The following TMPRSS7 variants were observed in gnomAD, a reference collection of about 807,000 sequenced individuals.
The protein encoded by TMPRSS7 is transmembrane serine protease 7, also known as transmembrane protease serine 7.
In TMPRSS7, 81 loss-of-function variants were observed where a neutral mutation model predicts 95.6. The ratio of observed to expected loss-of-function variants is 0.85; its 90% CI spans 0.71 to 1.02. The LOEUF is 1.02. Ranked by LOEUF, TMPRSS7 falls within the 50% of genes least tolerant of loss-of-function variation. The pLI, the probability that TMPRSS7 is intolerant of heterozygous loss-of-function variation, is 0.00. For missense variants in TMPRSS7, 945 were observed against 955.2 expected, an observed-to-expected ratio of 0.99 and a Z score of 0.14; for synonymous variants, 364 against 337.8, an observed-to-expected ratio of 1.08 and a Z score of -0.85.
intron 6 of TMPRSS7, 37 bp downstream of exon 6, chr3:112,047,049 TA>T (rs1267591630): frequency 5.7e-6 from 4 of 698,426 alleles, no homozygotes; most frequent in African/African-American, 5.3e-5. Flanking sequence ...CCCCCCATGT[TA>T]ATATTGTTTT....
chr3:112,035,714 T>C (rs912987028), intron 1 of TMPRSS7, among the ~76,000 whole-genome samples: 35 of 152,210 alleles, frequency 2.3e-4, no homozygotes, highest in African/African-American at 8.4e-4. Context: ...TCTCCTTAAA[T>C]GAAGCTAAAC....
intron 1 of TMPRSS7, among the ~76,000 whole-genome samples, chr3:112,037,397 G>A (rs2073157043): frequency 6.6e-6 from 1 of 152,184 alleles, no homozygotes; most frequent in African/African-American, 2.4e-5. Context: ...GCTAGGATTA[G>A]GAAATTCCAG....
At chr3:112,069,156 T>C (rs930345785) in intron 13 of TMPRSS7, among the ~76,000 whole-genome samples, 4 of 152,192 alleles carry the variant, frequency 2.6e-5, no homozygotes, top group African/African-American at 9.6e-5. Context: ...ACCAGCCTTG[T>C]GTCCCAAAGA....
intron 4 of TMPRSS7, among the ~76,000 whole-genome samples, 198 bp from the exon 5 acceptor site, chr3:112,045,552 A>G (rs947127849): frequency 6.6e-6 from 1 of 152,248 alleles, no homozygotes; most frequent in African/African-American, 2.4e-5. Flanking sequence ...ATTAGAATCC[A>G]ACACTATGGT....
At chr3:112,044,799 C>T (rs73853284) in intron 4 of TMPRSS7, among the ~76,000 whole-genome samples, 85 of 151,874 alleles carry the variant, frequency 5.6e-4, no homozygotes, top group African/African-American at 2.0e-3. Flanking sequence ...CCACAATCCA[C>T]TTTGACATAT....
chr3:112,045,743 G>A lies in TMPRSS7; in HGVS notation c.498-7G>A, dbSNP rs765214425. 1.6e-5 allele frequency: 25 copies of A among 1,534,828 alleles called. No individual in the cohort carries two copies. The highest frequency in any genetic ancestry group is 2.5e-5 in the South Asian group (2 of 81,038). ...GGTCCCTGATGATCTCTCTTTTTTC[G>A]TTATAGCAGCAACAACAAAGGCGGC... is the stretch of plus-strand genomic sequence containing the variant. On this transcript the variant is annotated splice_region_variant and splice_polypyrimidine_tract_variant and intron_variant, in intron 4 of 17. Transcript: ENST00000452346.
intron 13 of TMPRSS7, among the ~76,000 whole-genome samples, chr3:112,068,506 G>A (rs904377000): frequency 2.0e-5 from 3 of 152,206 alleles, no homozygotes; most frequent in Non-Finnish European, 4.4e-5. Flanking sequence ...TTGTTGAGCA[G>A]TGGTTTGTAG....
intron 3 of TMPRSS7, among the ~76,000 whole-genome samples, chr3:112,042,386 T>C (rs537673932): frequency 6.6e-6 from 1 of 152,330 alleles, no homozygotes; most frequent in Admixed American, 6.5e-5. Flanking sequence ...ATTCCATTAT[T>C]GTACACATTT....
intron 1 of TMPRSS7, among the ~76,000 whole-genome samples, chr3:112,036,149 A>G (rs1232427977): frequency 2.0e-5 from 3 of 152,244 alleles, no homozygotes; most frequent in Non-Finnish European, 4.4e-5. Flanking sequence ...AGCTGTAACT[A>G]GGAAATCAAT....
intron 12 of TMPRSS7, among the ~76,000 whole-genome samples, chr3:112,064,716 A>G (rs921600824): frequency 3.9e-5 from 6 of 152,190 alleles, no homozygotes; most frequent in Admixed American, 3.9e-4. Context: ...ATTTGTATTG[A>G]CATCACATTG....
intron 10 of TMPRSS7, among the ~76,000 whole-genome samples, chr3:112,057,736 AT>A (rs1287179047): frequency 6.6e-6 from 1 of 151,714 alleles, no homozygotes; most frequent in African/African-American, 2.4e-5. Context: ...TTTTATTTTT[AT>A]TTTTTTGAGA....
In TMPRSS7 at chr3:112,039,048, C is replaced by T. The variant is rs540305794; in HGVS notation, c.298+727C>T. On this transcript the variant is annotated intron_variant, in intron 2 of 17. Transcript: ENST00000452346. Reference sequence around the variant, plus strand: ...TCTAGGCAACCTTGAATTTCCGGCTCCCTGAGCTCCATTTTGCACATGCAT... The same window carrying T: ...TCTAGGCAACCTTGAATTTCCGGCTTCCTGAGCTCCATTTTGCACATGCAT... Among the ~76,000 whole-genome samples the T allele has an allele frequency of 8.4e-4, 128 of 152,320 alleles. 6 individuals are homozygous for T. In the South Asian group the frequency reaches 0.021, roughly 24 times the overall value.
chr3:112,041,423 A>G lies in TMPRSS7; in HGVS notation c.299-497A>G, dbSNP rs548130940. ...GTGCTGGGCCTTGTGCTAAGAGGAA[A>G]TATTCTCTCTCTCTCTTTCTCACTC... is the stretch of plus-strand genomic sequence containing the variant. On this transcript the variant is annotated intron_variant, in intron 2 of 17. Transcript: ENST00000452346. Among the ~76,000 whole-genome samples, 14 of 152,230 alleles carry G rather than the reference A, an allele frequency of 9.2e-5. No individual in the cohort carries two copies. In the South Asian group the frequency reaches 2.7e-3, roughly 29 times the overall value.
rs1398787702 is a variant in TMPRSS7, at chr3:112,061,364, TG to T, written c.1311-422del. Reference sequence around the variant, plus strand: ...TTTAGACTGAAATAATGTTGTCTTTTGCTTTTAGTCTTGCTGGAATTCTTTG... The same window carrying T: ...TTTAGACTGAAATAATGTTGTCTTTTCTTTTAGTCTTGCTGGAATTCTTTG... On this transcript the variant is annotated intron_variant, in intron 10 of 17. Coordinates refer to ENST00000452346, the Ensembl canonical transcript of TMPRSS7. Among the ~76,000 whole-genome samples, 115 of 152,350 alleles carry T rather than the reference TG, an allele frequency of 7.5e-4. 1 individual carries two copies. Among genetic ancestry groups the T allele is most frequent in the African/African-American group, 2.7e-3 (112 of 41,584 alleles).
At chr3:112,067,101 T>C (rs1045941946) in intron 13 of TMPRSS7, among the ~76,000 whole-genome samples, 1 of 152,226 alleles carries the variant, frequency 6.6e-6, no homozygotes, top group Admixed American at 6.5e-5. Context: ...GTCCTTGTGA[T>C]AGTTTGCTGA....
exon 7 of TMPRSS7, chr3:112,047,859 T>C (rs1463340953): frequency 6.2e-7 from 1 of 1,614,166 alleles, no homozygotes; most frequent in South Asian, 1.1e-5. Flanking sequence ...GTGGGCTACC[T>C]GATTCGTCTC....
Position 112,038,223 on chromosome 3 carries a change from A to G in TMPRSS7, c.200A>G (p.Lys67Arg), listed in dbSNP as rs916443667. Residue 67 changes from lysine to arginine, a missense_variant, in exon 2 of 18, where the codon AAA (lysine) becomes AGA (arginine). Physicochemically the swap from Lys to Arg is conservative, Grantham distance 26. Coordinates refer to ENST00000452346, the Ensembl canonical transcript of TMPRSS7. ...AAACCCAAGAAGCAATCCAAGAAAA[A>G]AGTTCCCTTTTGGAATGTACAAAAT... 2.1e-5 allele frequency: 15 copies of G among 702,842 alleles called. No individual in the cohort carries two copies. The Admixed American group carries it at 3.0e-4, about 14-fold the overall frequency. 43.5% of individuals were successfully genotyped at this position (702,842 alleles called of 1,614,324 possible). A position where few individuals can be genotyped will look rare whatever the true frequency, so the allele number is the denominator to read the frequency against.
exon 10 of TMPRSS7, chr3:112,057,054 G>A: frequency 6.2e-7 from 1 of 1,612,250 alleles, no homozygotes; most frequent in East Asian, 2.2e-5. Flanking sequence ...GCATAGCACT[G>A]AAATTCTATA....
intron 1 of TMPRSS7, among the ~76,000 whole-genome samples, chr3:112,035,488 G>A (rs73216058): frequency 0.033 from 4,964 of 151,314 alleles, 124 homozygotes; most frequent in Non-Finnish European, 0.044. Context: ...ACGTGGCCAC[G>A]TATTATCCCA....
Sources: allele counts gnomAD v4.1 joint callset (sites outside exome capture counted in the v4.1 genomes callset), GRCh38; gene constraint gnomAD v4.1.1; transcripts MANE v1.5; gene names NCBI Gene and HGNC (gene_info 2026-07-23, HGNC 2026-07-21).